Variants in PHF19 observed in about 807,000 individuals in gnomAD.
PHF19 encodes the protein polycomb like 3.
PHF19 carries 21 observed loss-of-function variants against 79.8 expected under a neutral mutation model. The ratio of observed to expected loss-of-function variants is 0.26; its 90% confidence interval spans 0.19 to 0.38. PHF19 has a LOEUF of 0.38. PHF19 is among the 10% of genes least tolerant of loss of function. The probability of loss-of-function intolerance (pLI) is 1.00; values close to 1 mark genes in which losing one functional copy is unlikely to be tolerated. For missense variants in PHF19, 445 were observed against 744.2 expected (o/e 0.60, Z 4.68); for synonymous variants, 273 against 296.3 (o/e 0.92, Z 0.81).
intron 1 of PHF19, chr9:120,894,644 T>A: frequency 3.4e-6 from 1 of 292,614 alleles, no homozygotes; most frequent in Non-Finnish European, 6.2e-6. Flanking sequence ...AGCCGGCGCC[T>A]GCGAGCCAGG....
At chr9:120,901,077 G>T in the PHF19 span, among the ~76,000 whole-genome samples, 1 of 152,246 alleles carries the variant, frequency 6.6e-6, no homozygotes, top group Non-Finnish European at 1.5e-5. Flanking sequence ...CACAGGGCTT[G>T]CCCTTTGGCT....
At position 120,870,212 on chromosome 9, in the gene PHF19, C is replaced by G. The variant is rs1479331580; in HGVS notation, c.364+231G>C. Among the ~76,000 whole-genome samples, 1 of 152,220 alleles carries G rather than the reference C, an allele frequency of 6.6e-6. No individual in the cohort carries two copies. Among genetic ancestry groups the G allele is most frequent in the African/African-American group, 2.4e-5 (1 of 41,456 alleles). ...CTGAGCCCCATCTTTCCCACCCATC[C>G]TCTCCATCTAGCTGGGCCCCAAATT... is the stretch of plus-strand genomic sequence containing the variant. On this transcript the variant is annotated intron_variant, in intron 4 of 14. Coordinates refer to ENST00000373896, the MANE Select transcript of PHF19 (RefSeq NM_015651.3). This position sits in a 1 kb window ranked among gnomAD's most constrained non-coding sequence, Gnocchi z 4.4.
chr9:120,893,364 C>T (rs559439712), intron 1 of PHF19, among the ~76,000 whole-genome samples: 1 of 152,332 alleles, frequency 6.6e-6, no homozygotes, highest in African/African-American at 2.4e-5. Context: ...CCCCTCCACA[C>T]CAGGGCCCCT....
chr9:120,876,756 C>A (rs897016560), intron 1 of PHF19, among the ~76,000 whole-genome samples: 33 of 152,256 alleles, frequency 2.2e-4, no homozygotes, highest in Admixed American at 2.6e-4. Flanking sequence ...CAAGCCTCCC[C>A]CATCCCAACC....
rs183741456 is a variant in PHF19 at position 120,892,606 on chromosome 9, G to C, written c.42+2182C>G. ...AAGGTCAGAGGGCAATTTGTGGCCT[G>C]TCCCCATGGCATATAGGACCTCAAG... On this transcript the variant is annotated intron_variant, in intron 1 of 14. Transcript: ENST00000616568. Among the ~76,000 whole-genome samples, 3 of 152,280 alleles carry C rather than the reference G, an allele frequency of 2.0e-5. No individual in the cohort carries two copies. The East Asian group carries it at 5.8e-4, about 29-fold the overall frequency.
At chr9:120,868,718 G>T in intron 6 of PHF19, 5 of 582,228 alleles carry the variant, frequency 8.6e-6, no homozygotes, top group Non-Finnish European at 1.1e-5. Flanking sequence ...GCCCCTTGAG[G>T]CCTCGCCTCC....
intron 10 of PHF19, among the ~76,000 whole-genome samples, chr9:120,863,824 C>T (rs1008146702): frequency 3.9e-5 from 6 of 152,186 alleles, no homozygotes; most frequent in South Asian, 2.1e-4. Context: ...GTGCAGCCCC[C>T]CTACAGAGCT....
At chr9:120,892,904 A>G (rs1164203047) in intron 1 of PHF19, among the ~76,000 whole-genome samples, 1 of 152,220 alleles carries the variant, frequency 6.6e-6, no homozygotes, top group African/African-American at 2.4e-5. Context: ...TGTTCAGGAA[A>G]TGAGGGCAGG....
chr9:120,894,629 C>A (rs930322013), intron 1 of PHF19, among the ~76,000 whole-genome samples: 18 of 151,758 alleles, frequency 1.2e-4, no homozygotes, highest in Non-Finnish European at 2.4e-4. Flanking sequence ...CGGGCGCGGG[C>A]CAGGAGCCGG....
In PHF19 at chr9:120,891,275, CCTT is replaced by C. The variant is rs1430117841; in HGVS notation, c.42+3510_42+3512del. Among the ~76,000 whole-genome samples, 1 of 152,016 alleles carries C rather than the reference CCTT, an allele frequency of 6.6e-6. No homozygotes were observed. Among genetic ancestry groups the C allele is most frequent in the Non-Finnish European group, 1.5e-5 (1 of 68,004 alleles). On this transcript the variant is annotated intron_variant, in intron 1 of 14. Transcript: ENST00000616568. The surrounding 1 kb of genome is among the most constrained non-coding windows in gnomAD (Gnocchi z 4.3). ...TCTCCCCTCCTCTCCCCTCCTTTCCCCTTCTTCTCCTCTCCTTCCCTCCCCTCC... is the reference window on the plus strand; with the variant it reads ...TCTCCCCTCCTCTCCCCTCCTTTCCCCTTCTCCTCTCCTTCCCTCCCCTCC...
rs147210193 is a variant in PHF19, at chr9:120,857,594, C to T, written c.*350G>A. On this transcript the variant is annotated 3_prime_UTR_variant, in exon 15 of 15. Coordinates refer to ENST00000373896, the MANE Select transcript of PHF19 (RefSeq NM_015651.3). ...ATGTGCGAACACACCCAGAAAGGGG[C>T]GAGAGAGGTCAAGGCACACAACTGG... 22 of 223,658 alleles carry T rather than the reference C, an allele frequency of 9.8e-5. No homozygotes were observed. In the East Asian group the frequency reaches 1.4e-3, roughly 14 times the overall value. 13.9% of individuals were successfully genotyped at this position (223,658 alleles called of 1,614,324 possible).
At position 120,862,448 on chromosome 9, in the gene PHF19, T is replaced by C; in HGVS notation, c.1130+140A>G. The C allele has an allele frequency of 1.5e-6, 1 of 687,846 alleles. No individual in the cohort carries two copies. The highest frequency in any genetic ancestry group is 2.5e-6 in the Non-Finnish European group (1 of 404,150). The allele number at this position is 687,846 out of a possible 1,614,324, so 42.6% of individuals were successfully genotyped here. A position where few individuals can be genotyped will look rare whatever the true frequency, so the allele number is the denominator to read the frequency against. ...TGAAAGGAGTTGGGGATCTGGGATC[T>C]GGGATCCCGCTCAGCCACTATCTAG... is the stretch of plus-strand genomic sequence containing the variant. On this transcript the variant is annotated intron_variant, in intron 11 of 14. Coordinates refer to ENST00000373896, the MANE Select transcript of PHF19 (RefSeq NM_015651.3). The surrounding 1 kb of genome is among the most constrained non-coding windows in gnomAD (Gnocchi z 4.6).
chr9:120,867,940 G>A (rs530012097), intron 6 of PHF19, among the ~76,000 whole-genome samples: 12 of 152,290 alleles, frequency 7.9e-5, no homozygotes, highest in Non-Finnish European at 1.8e-4. Flanking sequence ...AGAGGCCCAG[G>A]TCGGCAAGGA....
chr9:120,881,726 T>C (rs1414979366), upstream of PHF19, among the ~76,000 whole-genome samples: 1 of 152,168 alleles, frequency 6.6e-6, no homozygotes, highest in African/African-American at 2.4e-5. Flanking sequence ...CAGTGCACAG[T>C]GTCCCCTCAT....
At chr9:120,873,801 T>C (rs1051206964) in intron 3 of PHF19, among the ~76,000 whole-genome samples, 178 bp downstream of exon 3, 1 of 152,204 alleles carries the variant, frequency 6.6e-6, no homozygotes, top group African/African-American at 2.4e-5. Flanking sequence ...ATGTCCTAAG[T>C]ACCTTCCTAA....
upstream of PHF19, among the ~76,000 whole-genome samples, chr9:120,879,827 A>G (rs148912097): frequency 1.6e-3 from 241 of 152,330 alleles, 2 homozygotes; most frequent in Non-Finnish European, 2.7e-3. Context: ...TTTTTTAAAT[A>G]TGGATTAAGG....
chr9:120,861,077 C>G lies in PHF19; in HGVS notation c.1304+12G>C. On this transcript the variant is annotated intron_variant, in intron 13 of 14. Coordinates refer to ENST00000373896, the MANE Select transcript of PHF19 (RefSeq NM_015651.3). ...CCAGAGCAGACCTCTGTGCTAGGTC[C>G]CTCACTGATACCTTTTTAAACTTTG... 6.7e-7 allele frequency: 1 copy of G among 1,492,362 alleles called. No individual in the cohort carries two copies. Among genetic ancestry groups the G allele is most frequent in the East Asian group, 2.3e-5 (1 of 44,332 alleles). 92.4% of individuals were successfully genotyped at this position (1,492,362 alleles called of 1,614,324 possible). A position where few individuals can be genotyped will look rare whatever the true frequency, so the allele number is the denominator to read the frequency against.
At chr9:120,898,710 T>C (rs115428515), upstream of PHF19, among the ~76,000 whole-genome samples, 162 of 152,358 alleles carry the variant, frequency 1.1e-3, no homozygotes, top group African/African-American at 3.8e-3. Flanking sequence ...GTTCAAGTCC[T>C]GGCTCCTGGT....
chr9:120,878,758 C>T (rs1034016646), upstream of PHF19, among the ~76,000 whole-genome samples: 7 of 152,226 alleles, frequency 4.6e-5, no homozygotes, highest in African/African-American at 1.4e-4. Context: ...CCTGCCTGAA[C>T]CTGGAAGGAA....
Sources: allele counts gnomAD v4.1 joint callset (sites outside exome capture counted in the v4.1 genomes callset), GRCh38; gene constraint gnomAD v4.1.1; non-coding constraint Gnocchi (gnomAD v3.1); transcripts MANE v1.5; gene names NCBI Gene and HGNC (gene_info 2026-07-23, HGNC 2026-07-21).